Variants in RB1 observed in about 807,000 individuals in gnomAD.
RB1 encodes the protein RB transcriptional corepressor 1, also known as retinoblastoma-associated protein.
A neutral mutation model predicts 135.4 loss-of-function variants in RB1; 18 were observed. The ratio of observed to expected loss-of-function variants is 0.13; its 90% CI spans 0.09 to 0.20. The LOEUF (loss-of-function observed/expected upper bound fraction) is 0.20. RB1 is among the 10% of genes least tolerant of loss of function. The pLI, the probability that RB1 is intolerant of heterozygous loss-of-function variation, is 1.00. For missense variants in RB1, 868 were observed against 1,110.0 expected (o/e 0.78, Z 3.10); for synonymous variants, 365 against 373.2 (o/e 0.98, Z 0.25).
At chr13:48,338,526 C>A (rs1459044163) in intron 2 of RB1, among the ~76,000 whole-genome samples, 1 of 152,168 alleles carries the variant, frequency 6.6e-6, no homozygotes, top group East Asian at 1.9e-4. Flanking sequence ...GTTTTCAGCT[C>A]CATCAGGTTA....
In RB1 at chr13:48,319,729, C is replaced by T; in HGVS notation, c.264+12323C>T. 3.8e-6 allele frequency: 1 copy of T among 261,960 alleles called. No homozygotes were observed. Among genetic ancestry groups the T allele is most frequent in the Middle Eastern group, 6.5e-4 (1 of 1,532 alleles). 16.2% of individuals were successfully genotyped at this position (261,960 alleles called of 1,614,324 possible). A position where few individuals can be genotyped will look rare whatever the true frequency, so the allele number is the denominator to read the frequency against. Reference sequence around the variant, plus strand: ...GACTTGGTCGAATTTTCGTTTGGGTCTGGTTTTTTATCTATTGACCCCATC... The same window carrying T: ...GACTTGGTCGAATTTTCGTTTGGGTTTGGTTTTTTATCTATTGACCCCATC... On this transcript the variant is annotated intron_variant, in intron 2 of 26. Coordinates refer to ENST00000267163, the MANE Select transcript of RB1 (RefSeq NM_000321.3). The surrounding 1 kb of genome is among the most constrained non-coding windows in gnomAD (Gnocchi z 5.0).
chr13:48,472,311 A>G (rs1475676702), intron 23 of RB1, among the ~76,000 whole-genome samples: 1 of 152,120 alleles, frequency 6.6e-6, no homozygotes, highest in African/African-American at 2.4e-5. Flanking sequence ...CTACAGAAAA[A>G]TATGAAGTAA....
At chr13:48,419,797 A>T (rs975036345) in intron 17 of RB1, among the ~76,000 whole-genome samples, 1 of 152,270 alleles carries the variant, frequency 6.6e-6, no homozygotes, top group Non-Finnish European at 1.5e-5. Context: ...GAAGAAATGG[A>T]TAAATTCCTG....
At chr13:48,389,376 C>T (rs1451029773) in intron 17 of RB1, among the ~76,000 whole-genome samples, 1 of 151,714 alleles carries the variant, frequency 6.6e-6, no homozygotes, top group African/African-American at 2.4e-5. Context: ...ATAAAGTGGA[C>T]ACAGTCAAAT....
intron 19 of RB1, 152 bp downstream of exon 19, chr13:48,456,501 T>C: frequency 7.9e-7 from 1 of 1,265,580 alleles, no homozygotes; most frequent in Non-Finnish European, 1.1e-6. Context: ...GAAATGATAA[T>C]GTTGCGAGAT....
chr13:48,304,094 C>T (rs1476120490), intron 1 of RB1, 45 bp downstream of exon 1: 90 of 1,375,808 alleles, frequency 6.5e-5, no homozygotes, highest in Middle Eastern at 2.6e-4. Context: ...AAGGGCGCCC[C>T]GGGTGTGCGT....
At chr13:48,318,633 C>T in intron 2 of RB1, 1 of 609,498 alleles carries the variant, frequency 1.6e-6, no homozygotes, top group East Asian at 3.1e-5. Flanking sequence ...GGCATCCTGG[C>T]CACCATCTTT....
chr13:48,362,915 T>C lies in RB1; in HGVS notation c.819T>C (p.Ile273=), dbSNP rs1952656672. The change falls in exon 8 of 27, where the codon ATT becomes ATC. Residue 273 remains isoleucine, a synonymous_variant. Coordinates refer to ENST00000267163, the MANE Select transcript of RB1 (RefSeq NM_000321.3). The stretch of plus-strand genomic sequence containing the variant: ...AACAACTAGAAAATGATACAAGAAT[T>C]ATTGAAGTTCTCTGTAAAGAACATG... ...IAKQLENDTR[I]IEVLCKEHEC... The C allele has an allele frequency of 6.2e-7, 1 of 1,613,796 alleles. No homozygotes were observed.
At chr13:48,411,503 C>T in intron 17 of RB1, 1 of 1,612,596 alleles carries the variant, frequency 6.2e-7, no homozygotes, top group Non-Finnish European at 8.5e-7. Flanking sequence ...TCCTGACAGA[C>T]CAGTTTTTCA....
chr13:48,361,436 C>T (rs544523656), intron 7 of RB1, among the ~76,000 whole-genome samples: 2 of 152,208 alleles, frequency 1.3e-5, no homozygotes, highest in African/African-American at 4.8e-5. Flanking sequence ...TACAGTTAAT[C>T]TGTAGCCCCA....
intron 2 of RB1, chr13:48,317,478 GC>G: frequency 2.3e-6 from 1 of 441,064 alleles, no homozygotes; most frequent in Non-Finnish European, 4.1e-6. Flanking sequence ...GGGTCAGGAA[GC>G]CCCGGCTCCC....
chr13:48,363,798 C>G (rs1952666151), intron 8 of RB1, among the ~76,000 whole-genome samples: 1 of 152,242 alleles, frequency 6.6e-6, no homozygotes, highest in East Asian at 1.9e-4. Flanking sequence ...ATTCAATCTC[C>G]TTTTTATAAT....
chr13:48,412,471 C>T, intron 17 of RB1: 1 of 1,241,968 alleles, frequency 8.1e-7, no homozygotes, highest in Non-Finnish European at 1.2e-6. Flanking sequence ...TCATCAGCTG[C>T]AGTCTCCTTT....
chr13:48,343,340 A>T (rs1490201194), intron 3 of RB1, among the ~76,000 whole-genome samples: 1 of 152,180 alleles, frequency 6.6e-6, no homozygotes, highest in East Asian at 1.9e-4. Flanking sequence ...ATGCAACAGT[A>T]TGTATTTTTA....
intron 2 of RB1, among the ~76,000 whole-genome samples, chr13:48,309,582 A>G (rs1163607140): frequency 1.3e-5 from 2 of 152,334 alleles, no homozygotes; most frequent in East Asian, 3.9e-4. Context: ...TGCATATACA[A>G]TTAAATGGGA....
At chr13:48,321,364 G>A (rs962227411) in intron 2 of RB1, among the ~76,000 whole-genome samples, 4 of 7,520 alleles carry the variant, frequency 5.3e-4, no homozygotes, top group African/African-American at 3.2e-3. Context: ...GGGGAGGAGG[G>A]GCAAGGGCCC....
At chr13:48,349,837 G>C (rs565775168) in intron 6 of RB1, among the ~76,000 whole-genome samples, 17 of 152,058 alleles carry the variant, frequency 1.1e-4, no homozygotes, top group African/African-American at 3.6e-4. Context: ...TGAAAATAAA[G>C]GGATGGAAAA....
chr13:48,382,504 A>G (rs530686880), intron 17 of RB1, among the ~76,000 whole-genome samples: 1 of 152,248 alleles, frequency 6.6e-6, no homozygotes, highest in Admixed American at 6.5e-5. Context: ...TTCTTTTGAG[A>G]AGTGTCTGTT....
intron 3 of RB1, 45 bp downstream of exon 3, chr13:48,342,759 C>G (rs520342): frequency 1.5e-6 from 2 of 1,332,858 alleles, no homozygotes; most frequent in African/African-American, 2.9e-5. Context: ...TAAAAGGAAA[C>G]GAATTCTGGA....
Sources: allele counts gnomAD v4.1 joint callset (sites outside exome capture counted in the v4.1 genomes callset), GRCh38; gene constraint gnomAD v4.1.1; non-coding constraint Gnocchi (gnomAD v3.1); transcripts MANE v1.5; gene names NCBI Gene and HGNC (gene_info 2026-07-23, HGNC 2026-07-21).